VASH2: variants seen among roughly 807,000 people sequenced by gnomAD.
VASH2 encodes the protein tubulinyl-Tyr carboxypeptidase 2.
A neutral mutation model predicts 37.2 loss-of-function variants in VASH2; 28 were observed. The ratio of observed to expected loss-of-function variants is 0.75; its 90% CI spans 0.56 to 1.03. The LOEUF is 1.03. VASH2 is among the 50% of genes least tolerant of loss of function. The probability of loss-of-function intolerance (pLI) is 0.00; values close to 1 mark genes in which losing one functional copy is unlikely to be tolerated. For synonymous variants in VASH2, 188 were observed against 174.7 expected (o/e 1.08, Z -0.60); for missense variants, 419 against 459.1 (o/e 0.91, Z 0.80).
chr1:212,982,955 C>T (rs952526029), intron 7 of VASH2, among the ~76,000 whole-genome samples: 12 of 152,246 alleles, frequency 7.9e-5, no homozygotes, highest in Admixed American at 3.3e-4. Flanking sequence ...CACTCCAATA[C>T]GGAAAATAAA....
At chr1:212,987,684 C>T (rs1033042189) in intron 7 of VASH2, among the ~76,000 whole-genome samples, 1 of 149,626 alleles carries the variant, frequency 6.7e-6, no homozygotes, top group Admixed American at 7.1e-5. Flanking sequence ...ACTAGCCATA[C>T]TGAATATCCT....
intron 7 of VASH2, among the ~76,000 whole-genome samples, chr1:212,981,391 T>C (rs909533564): frequency 6.6e-6 from 1 of 152,192 alleles, no homozygotes; most frequent in Non-Finnish European, 1.5e-5. Context: ...GAAGCTTCCC[T>C]TTCCCTGTGT....
chr1:212,960,725 G>T (rs1403843325), intron 2 of VASH2, among the ~76,000 whole-genome samples: 1 of 152,166 alleles, frequency 6.6e-6, no homozygotes, highest in Non-Finnish European at 1.5e-5. Context: ...ATGTTGCCCT[G>T]CAGTAGAGCA....
intron 5 of VASH2, among the ~76,000 whole-genome samples, chr1:212,970,574 C>T (rs1666981831): frequency 6.6e-6 from 1 of 151,908 alleles, no homozygotes; most frequent in African/African-American, 2.4e-5. Flanking sequence ...ACATTAAGTG[C>T]ATTCATAATG....
chr1:212,965,902 C>A, intron 4 of VASH2, 124 bp downstream of exon 4: 6 of 990,380 alleles, frequency 6.1e-6, no homozygotes, highest in Admixed American at 2.4e-5. Flanking sequence ...GGGGTGGAGG[C>A]GGAGGGTGCC....
At chr1:212,978,793 T>G (rs1667254516) in intron 7 of VASH2, among the ~76,000 whole-genome samples, 1 of 152,160 alleles carries the variant, frequency 6.6e-6, no homozygotes, top group Non-Finnish European at 1.5e-5. Context: ...TGGACAATTT[T>G]GTATTAGCAA....
intron 2 of VASH2, among the ~76,000 whole-genome samples, chr1:212,960,019 G>A (rs911093745): frequency 1.3e-5 from 2 of 152,252 alleles, no homozygotes; most frequent in Non-Finnish European, 2.9e-5. Context: ...GAGGTCAGAA[G>A]ACCGAGAAAC....
intron 7 of VASH2, among the ~76,000 whole-genome samples, chr1:212,975,239 G>A (rs182247080): frequency 9.2e-5 from 14 of 151,970 alleles, no homozygotes; most frequent in Admixed American, 7.9e-4. Flanking sequence ...AGGACAGGAC[G>A]AAGTATTTTC....
At chr1:212,973,537 C>T in intron 6 of VASH2, 1 of 1,288,426 alleles carries the variant, frequency 7.8e-7, no homozygotes. Flanking sequence ...GATTCCTGAT[C>T]AATTAAAACC....
rs1666325135 is a variant in VASH2, at chr1:212,951,929, T to TA, written c.276+112dup. On this transcript the variant is annotated intron_variant, in intron 2 of 7. Coordinates refer to ENST00000517399, the MANE Select transcript of VASH2 (RefSeq NM_001301056.2). This position sits in a 1 kb window ranked among gnomAD's most constrained non-coding sequence, Gnocchi z 4.4. ...GCAATCTCCATTTTCCTAGTCCTGC[T>TA]ACAAACTCCCTTCCTCTCCCCATTC... The TA allele has an allele frequency of 2.3e-6, 3 of 1,277,948 alleles. No homozygotes were observed. In the African/African-American group the frequency reaches 4.4e-5, roughly 19 times the overall value. The allele number at this position is 1,277,948 out of a possible 1,614,324, so 79.2% of individuals were successfully genotyped here.
rs540807407 is a variant in VASH2 at position 212,987,165 on chromosome 1, C to T, written c.996-1347C>T. ...TCTATCAACATTGAATTAGTTGGAC[C>T]ACTTTTATGCCAGGGAAAAACCATT... On this transcript the variant is annotated intron_variant, in intron 7 of 7. Transcript: ENST00000517399. Among the ~76,000 whole-genome samples the T allele has an allele frequency of 2.6e-5, 4 of 152,152 alleles. No homozygotes were observed. The East Asian group carries it at 7.7e-4, about 29-fold the overall frequency.
Position 212,965,770 on chromosome 1 carries a change from G to T in VASH2, c.414G>T (p.Pro138=), listed in dbSNP as rs1043457858. The change falls in exon 4 of 8, where the codon CCG becomes CCT. Residue 138 remains proline, a synonymous_variant. Coordinates refer to ENST00000517399, the MANE Select transcript of VASH2 (RefSeq NM_001301056.2). Reference sequence around the variant, plus strand: ...TCTTTGAAATTAGGAAAATGAGACCGCTGAGTGGGTAAGTGGTGCATGATC... The same window carrying T: ...TCTTTGAAATTAGGAAAATGAGACCTCTGAGTGGGTAAGTGGTGCATGATC... The part of the protein sequence containing the change: ...TQFFEIRKMR[P]LSGLMETAKE... 5.2e-6 allele frequency: 8 copies of T among 1,551,904 alleles called. No individual in the cohort carries two copies. In the African/African-American group the frequency reaches 8.2e-5, roughly 16 times the overall value.
Position 212,975,467 on chromosome 1 carries a change from G to A in VASH2, c.995+1397G>A, listed in dbSNP as rs191860784. 2.1e-4 allele frequency among the ~76,000 whole-genome samples: 32 copies of A among 152,336 alleles called. No individual in the cohort carries two copies. In the East Asian group the frequency reaches 5.4e-3, roughly 26 times the overall value. On this transcript the variant is annotated intron_variant, in intron 7 of 7. Coordinates refer to ENST00000517399, the MANE Select transcript of VASH2 (RefSeq NM_001301056.2). ...CATAGGTTTGTCCTTGCAGGGAGCAGGATGGCTTCCAGCCATTCACACGTG... is the reference window on the plus strand; with the variant it reads ...CATAGGTTTGTCCTTGCAGGGAGCAAGATGGCTTCCAGCCATTCACACGTG...
intron 6 of VASH2, chr1:212,973,605 C>T: frequency 8.1e-7 from 1 of 1,237,042 alleles, no homozygotes; most frequent in Non-Finnish European, 1.0e-6. Context: ...GTTTCTGAGG[C>T]AATAGAGATG....
chr1:212,964,310 C>T (rs1046078168), intron 3 of VASH2, among the ~76,000 whole-genome samples: 3 of 152,188 alleles, frequency 2.0e-5, no homozygotes, highest in South Asian at 4.1e-4. Context: ...CAGGAGGGAT[C>T]GAAGTGCCGC....
intron 2 of VASH2, among the ~76,000 whole-genome samples, chr1:212,959,441 G>A (rs528861774): frequency 1.9e-5 from 2 of 105,726 alleles, no homozygotes; most frequent in African/African-American, 5.8e-5. Flanking sequence ...ACATTCACAC[G>A]CACATTCACA....
intron 7 of VASH2, among the ~76,000 whole-genome samples, chr1:212,987,714 A>G (rs1233431941): frequency 6.6e-6 from 1 of 152,212 alleles, no homozygotes; most frequent in Non-Finnish European, 1.5e-5. Flanking sequence ...TCATGATCTC[A>G]GTTCTCTCTT....
intron 7 of VASH2, among the ~76,000 whole-genome samples, chr1:212,981,104 C>T (rs932303559): frequency 6.6e-6 from 1 of 152,176 alleles, no homozygotes. Context: ...GTTCTTGTCC[C>T]GGAAAGGAGA....
intron 7 of VASH2, 68 bp from the exon 8 acceptor site, chr1:212,988,444 T>C: frequency 6.5e-7 from 1 of 1,538,294 alleles, no homozygotes; most frequent in Non-Finnish European, 9.0e-7. Flanking sequence ...TAGAGGACCT[T>C]GAAAATGCTG....
Sources: gnomAD v4.1 joint callset for allele counts (sites outside exome capture counted in the v4.1 genomes callset) on GRCh38, gnomAD v4.1.1 for gene constraint, Gnocchi (gnomAD v3.1) non-coding constraint, MANE v1.5 for transcripts, NCBI Gene and HGNC (gene_info 2026-07-23, HGNC 2026-07-21) for gene names.